PSMD14: variants seen among roughly 807,000 people sequenced by gnomAD.
The protein encoded by PSMD14 is proteasome 26S subunit, non-ATPase 14.
In PSMD14, 7 loss-of-function variants were observed where a neutral mutation model predicts 41.2. The ratio of observed to expected loss-of-function variants is 0.17; its 90% CI spans 0.10 to 0.32. The LOEUF (loss-of-function observed/expected upper bound fraction) is 0.32, where lower values mean the gene tolerates loss of function less well. PSMD14 is among the 10% of genes least tolerant of loss of function. The pLI is 1.00. For synonymous variants in PSMD14, 114 were observed against 122.3 expected, an observed-to-expected ratio of 0.93 and a Z score of 0.45; for missense variants, 139 against 375.6, an observed-to-expected ratio of 0.37 and a Z score of 5.21.
chr2:161,309,908 C>T (rs1243442233), intron 1 of PSMD14, among the ~76,000 whole-genome samples: 1 of 152,036 alleles, frequency 6.6e-6, no homozygotes, highest in Non-Finnish European at 1.5e-5. Context: ...GTAATCCCAG[C>T]ACTTTGGGAG....
intron 3 of PSMD14, among the ~76,000 whole-genome samples, chr2:161,353,093 C>T (rs1374351289): frequency 6.6e-6 from 1 of 152,044 alleles, no homozygotes; most frequent in African/African-American, 2.4e-5. Context: ...AATAATCTGG[C>T]TTTAAGACTA....
At chr2:161,314,144 A>G (rs1689122915) in intron 1 of PSMD14, among the ~76,000 whole-genome samples, 1 of 152,218 alleles carries the variant, frequency 6.6e-6, no homozygotes, top group Non-Finnish European at 1.5e-5. Flanking sequence ...GATTTTTAAA[A>G]TTTCTACATT....
intron 3 of PSMD14, among the ~76,000 whole-genome samples, chr2:161,336,563 T>C (rs1682873359): frequency 6.6e-6 from 1 of 151,966 alleles, no homozygotes; most frequent in Non-Finnish European, 1.5e-5. Context: ...GTTATATTTA[T>C]TATTTATTTA....
At chr2:161,398,725 T>C (rs1683836503) in intron 10 of PSMD14, among the ~76,000 whole-genome samples, 1 of 152,074 alleles carries the variant, frequency 6.6e-6, no homozygotes, top group South Asian at 2.1e-4. Context: ...ACTGACCTAC[T>C]TAGTAACCTG....
intron 3 of PSMD14, among the ~76,000 whole-genome samples, chr2:161,354,460 C>T (rs1263502222): frequency 6.6e-6 from 1 of 151,122 alleles, no homozygotes; most frequent in East Asian, 2.0e-4. Context: ...GCCCAGGCTG[C>T]TGAATGATGT....
chr2:161,343,891 C>G (rs2105243489), intron 3 of PSMD14, among the ~76,000 whole-genome samples: 1 of 152,158 alleles, frequency 6.6e-6, no homozygotes, highest in South Asian at 2.1e-4. Flanking sequence ...AGGTAGCCCT[C>G]CTTATCCATG....
At chr2:161,310,949 C>T (rs1199283663) in intron 1 of PSMD14, among the ~76,000 whole-genome samples, 1 of 152,156 alleles carries the variant, frequency 6.6e-6, no homozygotes, top group Non-Finnish European at 1.5e-5. Flanking sequence ...TGAGTCAGCC[C>T]TCCATATCTT....
At chr2:161,309,443 T>G (rs1026038318) in intron 1 of PSMD14, among the ~76,000 whole-genome samples, 10 of 152,180 alleles carry the variant, frequency 6.6e-5, no homozygotes. Flanking sequence ...AGTGTGAAAG[T>G]GATTTTGTTC....
chr2:161,375,956 T>G (rs181074316), intron 7 of PSMD14, among the ~76,000 whole-genome samples: 105 of 151,946 alleles, frequency 6.9e-4, no homozygotes, highest in Admixed American at 2.5e-3. Flanking sequence ...GTCGTGTCTT[T>G]TCTTTCAGGG....
At chr2:161,357,082 T>TTTTC (rs1405296854) in intron 3 of PSMD14, among the ~76,000 whole-genome samples, 1 of 149,410 alleles carries the variant, frequency 6.7e-6, no homozygotes, top group African/African-American at 2.5e-5. Context: ...ATGCCTTTTT[T>TTTTC]TTTTTTAGCA....
chr2:161,336,231 T>G (rs1349655732), intron 3 of PSMD14, among the ~76,000 whole-genome samples: 2 of 152,222 alleles, frequency 1.3e-5, no homozygotes, highest in Non-Finnish European at 2.9e-5. Flanking sequence ...ACTTTTCATG[T>G]GCTAATTTAT....
chr2:161,366,385 T>G (rs1683358044), intron 3 of PSMD14, among the ~76,000 whole-genome samples: 1 of 75,322 alleles, frequency 1.3e-5, no homozygotes, highest in South Asian at 5.5e-4. Flanking sequence ...GTAATAGAAT[T>G]TAACACACAC....
At chr2:161,370,031 C>A in intron 5 of PSMD14, 76 bp from the exon 6 acceptor site, 3 of 1,112,870 alleles carry the variant, frequency 2.7e-6, no homozygotes, top group African/African-American at 1.6e-5. Context: ...ATTTTGGCAA[C>A]CCCAAATAAT....
At chr2:161,385,330 A>G in intron 7 of PSMD14, 134 bp from the exon 8 acceptor site, 1 of 429,790 alleles carries the variant, frequency 2.3e-6, no homozygotes, top group Non-Finnish European at 4.1e-6. Context: ...GTTCTTTTTT[A>G]TTAATATTAT....
intron 3 of PSMD14, among the ~76,000 whole-genome samples, chr2:161,348,943 G>C (rs1683081407): frequency 6.6e-6 from 1 of 152,178 alleles, no homozygotes; most frequent in African/African-American, 2.4e-5. Flanking sequence ...TCCTACTCCA[G>C]GTAGTTGTCA....
intron 10 of PSMD14, among the ~76,000 whole-genome samples, chr2:161,401,783 T>TTAC (rs1169166444): frequency 6.6e-6 from 1 of 151,790 alleles, no homozygotes; most frequent in African/African-American, 2.4e-5. Context: ...TTTGACATTA[T>TTAC]TATTATTATT....
intron 3 of PSMD14, among the ~76,000 whole-genome samples, chr2:161,336,383 G>A (rs547886591): frequency 6.6e-6 from 1 of 152,230 alleles, no homozygotes; most frequent in South Asian, 2.1e-4. Flanking sequence ...AAATGAAGAT[G>A]CTGATACTAT....
rs112225211 is a variant in PSMD14 at position 161,362,442 on chromosome 2, T to C, written c.49-5036T>C. On this transcript the variant is annotated intron_variant, in intron 3 of 11. Coordinates refer to ENST00000409682, the MANE Select transcript of PSMD14 (RefSeq NM_005805.6). ...AACTGCATTCAGTGGTTGTAACAGA[T>C]TTCTTTATATGACGACTCTTCCATT... Among the ~76,000 whole-genome samples the C allele has an allele frequency of 2.1e-3, 314 of 152,346 alleles. 2 individuals are homozygous for C. The highest frequency in any genetic ancestry group is 0.014 in the South Asian group (66 of 4,828).
intron 3 of PSMD14, among the ~76,000 whole-genome samples, chr2:161,347,514 T>C (rs1683061696): frequency 6.6e-6 from 1 of 152,184 alleles, no homozygotes; most frequent in South Asian, 2.1e-4. Flanking sequence ...AGACGTTAGA[T>C]CATATTAAGA....
Sources: gnomAD v4.1 joint callset for allele counts (sites outside exome capture counted in the v4.1 genomes callset) on GRCh38, gnomAD v4.1.1 for gene constraint, MANE v1.5 for transcripts, NCBI Gene and HGNC (gene_info 2026-07-23, HGNC 2026-07-21) for gene names.